Variants in AHCYL2 observed in about 807,000 individuals in gnomAD.
The protein encoded by AHCYL2 is adenosylhomocysteinase like 2, also known as S-adenosylhomocysteine hydrolase-like protein 2.
AHCYL2 carries 28 observed loss-of-function variants against 81.4 expected under a neutral mutation model. The ratio of observed to expected loss-of-function variants is 0.34; its 90% CI spans 0.25 to 0.47. The LOEUF (loss-of-function observed/expected upper bound fraction) is 0.47. Ranked by LOEUF, AHCYL2 falls within the 20% of genes least tolerant of loss-of-function variation. The pLI is 1.00. For synonymous variants in AHCYL2, 272 were observed against 290.2 expected (o/e 0.94, Z 0.64); for missense variants, 551 against 785.1 (o/e 0.70, Z 3.56).
In AHCYL2 at chr7:129,368,750, G is replaced by A. The variant is rs1290646317; in HGVS notation, c.364-10888G>A. 6.6e-6 allele frequency among the ~76,000 whole-genome samples: 1 copy of A among 152,178 alleles called. No homozygotes were observed. The highest frequency in any genetic ancestry group is 1.5e-5 in the Non-Finnish European group (1 of 68,030). On this transcript the variant is annotated intron_variant, in intron 1 of 16. Transcript: ENST00000325006. This position sits in a 1 kb window ranked among gnomAD's most constrained non-coding sequence, Gnocchi z 4.4. The stretch of plus-strand genomic sequence containing the variant: ...TTAATTATCCACGAAGCTGGGAAAG[G>A]TGTGAGAGTTGCCTGGCCAGGGCTT...
chr7:129,403,416 A>C lies in AHCYL2; in HGVS notation c.956A>C (p.Tyr319Ser), dbSNP rs746042375. The stretch of plus-strand genomic sequence containing the variant: ...GGAGGGGATCTTACCCACTGGATTT[A>C]TAAAAAGTATCCCAACATGTTTAAG... Reference protein sequence around the residue: ...DDGGDLTHWIYKKYPNMFKKI... With the variant: ...DDGGDLTHWISKKYPNMFKKI... The change falls in exon 7 of 17, where the codon TAT (tyrosine) becomes TCT (serine). Residue 319 changes from tyrosine to serine, a missense_variant. Physicochemically the swap from Tyr to Ser is moderately radical, Grantham distance 144. Coordinates refer to ENST00000325006, the MANE Select transcript of AHCYL2 (RefSeq NM_015328.4). 1 of 1,611,872 alleles carries C rather than the reference A, an allele frequency of 6.2e-7. No homozygotes were observed. Among genetic ancestry groups the C allele is most frequent in the South Asian group, 1.1e-5 (1 of 90,846 alleles).
At chr7:129,362,288 G>A (rs981609475) in intron 1 of AHCYL2, among the ~76,000 whole-genome samples, 4 of 152,150 alleles carry the variant, frequency 2.6e-5, no homozygotes, top group East Asian at 1.9e-4. Flanking sequence ...GTCTTTACCT[G>A]TAATGATGAT....
chr7:129,388,977 G>A, intron 2 of AHCYL2, 79 bp from the exon 3 acceptor site: 1 of 1,559,652 alleles, frequency 6.4e-7, no homozygotes, highest in Non-Finnish European at 8.7e-7. Flanking sequence ...GGCTAGAGAA[G>A]CTTCAGTTTG....
chr7:129,246,489 T>C (rs1396512644), intron 1 of AHCYL2, among the ~76,000 whole-genome samples: 4 of 152,198 alleles, frequency 2.6e-5, no homozygotes, highest in African/African-American at 9.6e-5. Flanking sequence ...ACTGATCAGC[T>C]TTCTTTCTGT....
intron 1 of AHCYL2, among the ~76,000 whole-genome samples, chr7:129,325,859 C>G (rs181686513): frequency 1.9e-4 from 29 of 152,224 alleles, no homozygotes; most frequent in African/African-American, 7.0e-4. Context: ...GCACGTGCCA[C>G]TACGCCTGGC....
At chr7:129,410,201 C>T (rs889454691) in intron 11 of AHCYL2, 46 of 1,612,486 alleles carry the variant, frequency 2.9e-5, no homozygotes, top group African/African-American at 1.9e-4. Context: ...CATTTGTTCC[C>T]GGCTCTTGGG....
chr7:129,334,896 A>G (rs1298859723), intron 1 of AHCYL2, among the ~76,000 whole-genome samples: 1 of 152,216 alleles, frequency 6.6e-6, no homozygotes, highest in Non-Finnish European at 1.5e-5. Context: ...GTTAGAGAAG[A>G]AACACTACAT....
At chr7:129,347,892 C>T (rs2150825246) in intron 1 of AHCYL2, among the ~76,000 whole-genome samples, 1 of 152,298 alleles carries the variant, frequency 6.6e-6, no homozygotes, top group South Asian at 2.1e-4. Flanking sequence ...TACTTGAAAG[C>T]TTTTCAGATA....
chr7:129,256,531 T>TCCCACCCCCCC (rs1372558756), intron 1 of AHCYL2, among the ~76,000 whole-genome samples: 1 of 43,482 alleles, frequency 2.3e-5, no homozygotes, highest in African/African-American at 8.8e-5. Flanking sequence ...ACATCTTGCT[T>TCCCACCCCCCC]CCCGCCCCCC....
At position 129,225,235 on chromosome 7, in the gene AHCYL2, A is replaced by G; in HGVS notation, c.159A>G (p.Pro53=). 1 of 1,477,336 alleles carries G rather than the reference A, an allele frequency of 6.8e-7. No individual in the cohort carries two copies. Among genetic ancestry groups the G allele is most frequent in the South Asian group, 1.3e-5 (1 of 77,848 alleles). 91.5% of individuals were successfully genotyped at this position (1,477,336 alleles called of 1,614,324 possible). The change falls in exon 1 of 17, where the codon CCA becomes CCG. Residue 53 remains proline (P), a synonymous_variant. Coordinates refer to ENST00000325006, the MANE Select transcript of AHCYL2 (RefSeq NM_015328.4). ...CGGGCGGTGGAGACCCTGAGGCTCC[A>G]GCTCCCGCCGCGGAGCGGCCCCCGG... ...PPAGGGDPEA[P]APAAERPPVP... is the part of the protein sequence containing the mutation.
intron 1 of AHCYL2, among the ~76,000 whole-genome samples, chr7:129,253,601 T>C (rs1220995736): frequency 6.6e-6 from 1 of 152,128 alleles, no homozygotes; most frequent in Non-Finnish European, 1.5e-5. Flanking sequence ...AGTTATAAGG[T>C]TGTAATTAAG....
intron 1 of AHCYL2, among the ~76,000 whole-genome samples, chr7:129,354,169 C>T (rs1295027042): frequency 1.3e-5 from 2 of 152,072 alleles, no homozygotes; most frequent in Non-Finnish European, 2.9e-5. Context: ...TGAAGGCAAT[C>T]AGTCCCCAAG....
intron 13 of AHCYL2, 130 bp downstream of exon 13, chr7:129,423,068 G>A (rs1408857080): frequency 1.5e-6 from 1 of 656,246 alleles, no homozygotes; most frequent in Non-Finnish European, 2.5e-6. Context: ...TTTCCCAATG[G>A]ATTTTACTTC....
chr7:129,378,136 A>G (rs570181762), intron 1 of AHCYL2, among the ~76,000 whole-genome samples: 1 of 152,240 alleles, frequency 6.6e-6, no homozygotes, highest in African/African-American at 2.4e-5. Flanking sequence ...ACATGGTGAA[A>G]CCCCGTCTCT....
chr7:129,258,844 G>A (rs1387522791), intron 1 of AHCYL2, among the ~76,000 whole-genome samples: 3 of 152,186 alleles, frequency 2.0e-5, no homozygotes, highest in Non-Finnish European at 4.4e-5. Flanking sequence ...TGGAATTAAA[G>A]TAACCGTGGC....
intron 1 of AHCYL2, among the ~76,000 whole-genome samples, chr7:129,263,979 A>C (rs187514568): frequency 6.6e-6 from 1 of 152,184 alleles, no homozygotes; most frequent in Non-Finnish European, 1.5e-5. Flanking sequence ...ATTCACCAAC[A>C]TAAGGGGTAA....
intron 6 of AHCYL2, among the ~76,000 whole-genome samples, chr7:129,401,097 G>A (rs1796008028): frequency 6.6e-6 from 1 of 152,290 alleles, no homozygotes; most frequent in Non-Finnish European, 1.5e-5. Flanking sequence ...CCCAAGGCAG[G>A]TGGATTACTT....
intron 1 of AHCYL2, among the ~76,000 whole-genome samples, chr7:129,309,618 C>G (rs187203076): frequency 1.7e-4 from 26 of 152,298 alleles, no homozygotes; most frequent in African/African-American, 5.8e-4. Flanking sequence ...TAAATATCTT[C>G]TATTCTTTTG....
chr7:129,228,535 A>C (rs1794307300), intron 1 of AHCYL2, among the ~76,000 whole-genome samples: 1 of 152,264 alleles, frequency 6.6e-6, no homozygotes, highest in Non-Finnish European at 1.5e-5. Flanking sequence ...AGCAAGCCAA[A>C]AATCTCTATA....
Sources: allele counts gnomAD v4.1 joint callset (sites outside exome capture counted in the v4.1 genomes callset), GRCh38; gene constraint gnomAD v4.1.1; non-coding constraint Gnocchi (gnomAD v3.1); transcripts MANE v1.5; gene names NCBI Gene and HGNC (gene_info 2026-07-23, HGNC 2026-07-21).